Variants in WAC observed in about 807,000 individuals in gnomAD.
The protein encoded by WAC is WW domain containing adaptor with coiled-coil, also known as WW domain-containing adapter protein with coiled-coil.
WAC carries 11 observed loss-of-function variants against 79.6 expected under a neutral mutation model. That is an observed-to-expected ratio of 0.14 (90% CI 0.09 to 0.23). WAC has a LOEUF of 0.23. Among genes scored for constraint, WAC ranks in the 10% least tolerant of loss-of-function variants. The pLI, the probability that WAC is intolerant of heterozygous loss-of-function variation, is 1.00. For synonymous variants in WAC, 304 were observed against 276.9 expected, an observed-to-expected ratio of 1.10 and a Z score of -0.97; for missense variants, 728 against 773.5, an observed-to-expected ratio of 0.94 and a Z score of 0.70.
intron 3 of WAC, among the ~76,000 whole-genome samples, chr10:28,563,464 T>C (rs1358651599): frequency 6.6e-6 from 1 of 152,238 alleles, no homozygotes; most frequent in Non-Finnish European, 1.5e-5. Flanking sequence ...GGAATTTTTA[T>C]AGTATATTTT....
At chr10:28,576,906 G>T (rs1336252503) in intron 3 of WAC, among the ~76,000 whole-genome samples, 1 of 151,952 alleles carries the variant, frequency 6.6e-6, no homozygotes, top group Non-Finnish European at 1.5e-5. Context: ...AAATATTAAT[G>T]TGATATTTTG....
At chr10:28,533,675 GC>G in intron 1 of WAC, 55 bp downstream of exon 1, 4 of 1,505,912 alleles carry the variant, frequency 2.7e-6, no homozygotes, top group Non-Finnish European at 3.6e-6. Context: ...CGGCGGGGGG[GC>G]TGTTCCTCCT....
intron 6 of WAC, among the ~76,000 whole-genome samples, chr10:28,592,879 A>T (rs539763452): frequency 6.6e-6 from 1 of 152,268 alleles, no homozygotes; most frequent in African/African-American, 2.4e-5. Context: ...TTATTCAGCA[A>T]TGTGTCAGGA....
At chr10:28,563,795 T>C (rs1341424478) in intron 3 of WAC, among the ~76,000 whole-genome samples, 2 of 128,612 alleles carry the variant, frequency 1.6e-5, no homozygotes, top group African/African-American at 3.0e-5. Flanking sequence ...AGAGACGGGG[T>C]TTCAACATGT....
chr10:28,548,130 C>T (rs1325833244), intron 3 of WAC, among the ~76,000 whole-genome samples: 1 of 151,834 alleles, frequency 6.6e-6, no homozygotes, highest in African/African-American at 2.4e-5. Flanking sequence ...ACCATGTTAG[C>T]CAGGCTGGTC....
In WAC at chr10:28,568,492, T is replaced by A. The variant is rs547685918; in HGVS notation, c.275-14907T>A. Reference sequence around the variant, plus strand: ...ACCTCCCGGGTTCAAGCAATTTTCCTGTCTCAGCCTCCTGAGTAGCTAGGA... The same window carrying A: ...ACCTCCCGGGTTCAAGCAATTTTCCAGTCTCAGCCTCCTGAGTAGCTAGGA... On this transcript the variant is annotated intron_variant, in intron 3 of 13. Coordinates refer to ENST00000354911, the MANE Select transcript of WAC (RefSeq NM_016628.5). Among the ~76,000 whole-genome samples, 13 of 152,268 alleles carry A rather than the reference T, an allele frequency of 8.5e-5. No individual in the cohort carries two copies. The South Asian group carries it at 2.5e-3, about 29-fold the overall frequency.
intron 4 of WAC, among the ~76,000 whole-genome samples, chr10:28,586,977 T>C (rs1436631088): frequency 6.6e-6 from 1 of 152,030 alleles, no homozygotes; most frequent in Non-Finnish European, 1.5e-5. Context: ...CTTTTGAGTC[T>C]TGAGCCAGGC....
intron 3 of WAC, among the ~76,000 whole-genome samples, chr10:28,570,869 ATAGT>A (rs1439416975): frequency 6.6e-6 from 1 of 151,646 alleles, no homozygotes; most frequent in Non-Finnish European, 1.5e-5. Context: ...GTGGCTTTAA[ATAGT>A]TGGGGAAAAA....
At chr10:28,614,467 G>T in intron 10 of WAC, 100 bp from the exon 11 acceptor site, 1 of 130,436 alleles carries the variant, frequency 7.7e-6, no homozygotes, top group African/African-American at 1.2e-4. Flanking sequence ...TTCAGAACTT[G>T]ACTGCCACAT....
intron 3 of WAC, among the ~76,000 whole-genome samples, chr10:28,574,409 A>G (rs1339411400): frequency 3.3e-5 from 5 of 151,948 alleles, no homozygotes; most frequent in Non-Finnish European, 1.5e-5. Flanking sequence ...TGGCTGCCCA[A>G]AGTGCTGAGC....
intron 7 of WAC, among the ~76,000 whole-genome samples, chr10:28,597,343 A>G (rs1840429963): frequency 6.6e-6 from 1 of 152,232 alleles, no homozygotes; most frequent in African/African-American, 2.4e-5. Flanking sequence ...TTAAGTTCCT[A>G]TAATTTTGAC....
rs35804351 is a variant in WAC, at chr10:28,622,425, G to GCCCCC, written c.*2834_*2838dup. ...ACTTGAGTGGCCTTTCCCTCCCCCT[G>GCCCCC]CCCCCCCCCCCCCCCCCCCGTTTTA... is the stretch of plus-strand genomic sequence containing the variant. On this transcript the variant is annotated 3_prime_UTR_variant, in exon 14 of 14. Transcript: ENST00000354911. 4 of 3,768 alleles carry GCCCCC rather than the reference G, an allele frequency of 1.1e-3. No homozygotes were observed. The highest frequency in any genetic ancestry group is 4.0e-3 in the Non-Finnish European group (2 of 498). The allele number at this position is 3,768 out of a possible 1,614,324, so 0.2% of individuals were successfully genotyped here. A position where few individuals can be genotyped will look rare whatever the true frequency, so the allele number is the denominator to read the frequency against.
In WAC at chr10:28,540,870, CTTCA is replaced by C. The variant is rs551946876; in HGVS notation, c.274+5116_274+5119del. ...GAGTAGCAGTCTTAATGTTTCAACT[CTTCA>C]TTGTTTTTTTTTTAATTTTAGAAAA... is the stretch of plus-strand genomic sequence containing the variant. On this transcript the variant is annotated intron_variant, in intron 3 of 13. Transcript: ENST00000354911. Among the ~76,000 whole-genome samples the C allele has an allele frequency of 6.7e-3, 1,012 of 151,904 alleles. 16 individuals are homozygous for C. The highest frequency in any genetic ancestry group is 0.023 in the African/African-American group (942 of 41,440).
At chr10:28,558,791 A>G (rs898458535) in intron 3 of WAC, among the ~76,000 whole-genome samples, 7 of 152,206 alleles carry the variant, frequency 4.6e-5, no homozygotes, top group Admixed American at 2.0e-4. Context: ...TGGTAAAGAT[A>G]AGTTGCAAAG....
rs770867005 is a variant in WAC at position 28,595,762 on chromosome 10, A to G, written c.640A>G (p.Ser214Gly). 2.1e-5 allele frequency: 34 copies of G among 1,614,050 alleles called. No individual in the cohort carries two copies. The highest frequency in any genetic ancestry group is 3.3e-4 in the Middle Eastern group (2 of 6,060). The change falls in exon 7 of 14, where the codon AGT becomes GGT. Residue 214 changes from serine (S) to glycine (G), a missense_variant. Transcript: ENST00000354911. ...AGACAAGCATTCCAGTGATGCCAGT[A>G]GTTTGCTCCCACAGAATATTTTGTC... ...MEDKHSSDAS[S>G]LLPQNILSQT... is the part of the protein sequence containing the mutation.
intron 3 of WAC, among the ~76,000 whole-genome samples, chr10:28,542,442 C>T (rs1837106892): frequency 6.6e-6 from 1 of 152,194 alleles, no homozygotes; most frequent in Admixed American, 6.5e-5. Flanking sequence ...AAAACATTGT[C>T]AGTGACACAT....
chr10:28,553,799 TC>T (rs1837835813), intron 3 of WAC, among the ~76,000 whole-genome samples: 1 of 152,238 alleles, frequency 6.6e-6, no homozygotes, highest in Non-Finnish European at 1.5e-5. Context: ...TGTACAGACT[TC>T]TTTTTTATTC....
At chr10:28,557,439 T>C (rs1838057115) in intron 3 of WAC, among the ~76,000 whole-genome samples, 1 of 152,200 alleles carries the variant, frequency 6.6e-6, no homozygotes, top group Admixed American at 6.5e-5. Context: ...ATCACACCTA[T>C]AATCCTAGCA....
At chr10:28,609,336 C>G (rs1424940676) in intron 8 of WAC, among the ~76,000 whole-genome samples, 1 of 152,096 alleles carries the variant, frequency 6.6e-6, no homozygotes, top group Admixed American at 6.5e-5. Context: ...ACACTCCAAC[C>G]TGGCTGACAG....
Sources: allele counts gnomAD v4.1 joint callset (sites outside exome capture counted in the v4.1 genomes callset), GRCh38; gene constraint gnomAD v4.1.1; transcripts MANE v1.5; gene names NCBI Gene and HGNC (gene_info 2026-07-23, HGNC 2026-07-21).